PIBF1: variants seen among roughly 807,000 people sequenced by gnomAD.
PIBF1 encodes the protein progesterone immunomodulatory binding factor 1.
A neutral mutation model predicts 112.5 loss-of-function variants in PIBF1; 90 were observed. That is an observed-to-expected ratio of 0.80 (90% CI 0.67 to 0.95). The LOEUF (loss-of-function observed/expected upper bound fraction) is 0.95, where lower values mean the gene tolerates loss of function less well. Among genes scored for constraint, PIBF1 ranks in the 40% least tolerant of loss-of-function variants. The pLI is 0.00. For missense variants in PIBF1, 915 were observed against 852.3 expected (o/e 1.07, Z -0.92); for synonymous variants, 301 against 288.6 (o/e 1.04, Z -0.44).
chr13:72,868,801 T>C (rs140728245), intron 10 of PIBF1, among the ~76,000 whole-genome samples: 123 of 116,388 alleles, frequency 1.1e-3, no homozygotes, highest in African/African-American at 4.1e-3. Flanking sequence ...CTGGGCAACA[T>C]AGTGAGACCC....
intron 13 of PIBF1, among the ~76,000 whole-genome samples, chr13:72,926,504 C>T (rs994828146): frequency 2.0e-5 from 3 of 152,196 alleles, no homozygotes; most frequent in African/African-American, 7.2e-5. Flanking sequence ...TGACTGTAGT[C>T]TTCTTCCTTC....
At chr13:72,994,833 C>G (rs1461642410) in intron 16 of PIBF1, among the ~76,000 whole-genome samples, 1 of 152,076 alleles carries the variant, frequency 6.6e-6, no homozygotes, top group East Asian at 1.9e-4. Flanking sequence ...CTAATTATTG[C>G]CTGTTATGTT....
At chr13:72,840,000 A>T (rs906043014) in intron 9 of PIBF1, among the ~76,000 whole-genome samples, 14 of 152,100 alleles carry the variant, frequency 9.2e-5, no homozygotes, top group Non-Finnish European at 1.5e-4. Context: ...AATTGATTGG[A>T]TGTATACTGA....
At position 72,825,942 on chromosome 13, in the gene PIBF1, A is replaced by G. The variant is rs1049592154; in HGVS notation, c.807-1068A>G. ...TTAAATTAGGCACATGGTGGCATGC[A>G]CCTGTAGTCCTAACTCTCTGGCAGG... On this transcript the variant is annotated intron_variant, in intron 6 of 17. Transcript: ENST00000326291. Among the ~76,000 whole-genome samples the G allele has an allele frequency of 4.0e-5, 6 of 151,112 alleles. No individual in the cohort carries two copies. The South Asian group carries it at 1.3e-3, about 32-fold the overall frequency.
chr13:72,856,832 G>A (rs893255179), intron 10 of PIBF1, among the ~76,000 whole-genome samples: 3 of 152,100 alleles, frequency 2.0e-5, no homozygotes, highest in Admixed American at 6.5e-5. Flanking sequence ...TGCAGTTCAT[G>A]TCAAAATTTT....
intron 11 of PIBF1, among the ~76,000 whole-genome samples, chr13:72,898,695 A>AC (rs201889472): frequency 6.9e-6 from 1 of 145,824 alleles, no homozygotes; most frequent in Non-Finnish European, 1.6e-5. Context: ...AAAAAAAAAA[A>AC]AAATAAAGCC....
chr13:72,801,510 G>T (rs563729554), intron 5 of PIBF1, among the ~76,000 whole-genome samples: 7 of 152,040 alleles, frequency 4.6e-5, no homozygotes, highest in Non-Finnish European at 8.8e-5. Flanking sequence ...ACCTTACATG[G>T]TGCTATTTTC....
At chr13:72,821,425 C>T (rs1047126719) in intron 5 of PIBF1, among the ~76,000 whole-genome samples, 1 of 152,074 alleles carries the variant, frequency 6.6e-6, no homozygotes, top group South Asian at 2.1e-4. Flanking sequence ...AATTATTTTT[C>T]ATTGTAGATA....
At chr13:72,808,028 G>T (rs978898020) in intron 5 of PIBF1, among the ~76,000 whole-genome samples, 1 of 152,116 alleles carries the variant, frequency 6.6e-6, no homozygotes, top group Non-Finnish European at 1.5e-5. Context: ...TCATTACTGA[G>T]TGGTATTACA....
chr13:72,965,788 C>A (rs543594342), intron 15 of PIBF1, among the ~76,000 whole-genome samples: 12 of 151,920 alleles, frequency 7.9e-5, no homozygotes, highest in East Asian at 3.9e-4. Flanking sequence ...ACAACAACAA[C>A]AAAAAATTTA....
intron 11 of PIBF1, among the ~76,000 whole-genome samples, chr13:72,903,132 A>C (rs1231719515): frequency 6.6e-6 from 1 of 151,944 alleles, no homozygotes; most frequent in Non-Finnish European, 1.5e-5. Flanking sequence ...TCCTGACCTC[A>C]AGTGATTCCC....
chr13:72,983,097 G>T (rs544182719), intron 16 of PIBF1, among the ~76,000 whole-genome samples: 1 of 152,250 alleles, frequency 6.6e-6, no homozygotes, highest in Admixed American at 6.5e-5. Flanking sequence ...GGAGGCCAAG[G>T]TGGGAGGATT....
chr13:72,950,210 C>T (rs558102467), intron 14 of PIBF1, among the ~76,000 whole-genome samples: 1 of 152,152 alleles, frequency 6.6e-6, no homozygotes, highest in Non-Finnish European at 1.5e-5. Flanking sequence ...TAATTCTAGT[C>T]TGTACTCTAT....
intron 13 of PIBF1, among the ~76,000 whole-genome samples, chr13:72,918,625 C>T (rs541255792): frequency 6.6e-6 from 1 of 151,844 alleles, no homozygotes; most frequent in Non-Finnish European, 1.5e-5. Context: ...TGGCCTTGGC[C>T]TCAAGTGATC....
intron 13 of PIBF1, among the ~76,000 whole-genome samples, chr13:72,920,241 T>C (rs1187850481): frequency 2.6e-5 from 4 of 152,242 alleles, no homozygotes; most frequent in Non-Finnish European, 4.4e-5. Flanking sequence ...AACATGTGCC[T>C]AATGGGCATG....
In PIBF1 at chr13:73,016,260, G is replaced by A. The variant is rs1396025164; in HGVS notation, c.*341G>A. On this transcript the variant is annotated 3_prime_UTR_variant, in exon 18 of 18. Coordinates refer to ENST00000326291, the MANE Select transcript of PIBF1 (RefSeq NM_006346.4). ...TTTAAATGTCATACACAAATACTAA[G>A]ACACTTTGCATTTTTAAAAATTAAG... 6.5e-6 allele frequency: 1 copy of A among 153,268 alleles called. No individual in the cohort carries two copies. Among genetic ancestry groups the A allele is most frequent in the Non-Finnish European group, 1.5e-5 (1 of 68,922 alleles). The allele number at this position is 153,268 out of a possible 1,614,324, so 9.5% of individuals were successfully genotyped here. A position where few individuals can be genotyped will look rare whatever the true frequency, so the allele number is the denominator to read the frequency against.
intron 8 of PIBF1, among the ~76,000 whole-genome samples, chr13:72,831,365 A>G (rs2037102923): frequency 6.6e-6 from 1 of 152,090 alleles, no homozygotes; most frequent in South Asian, 2.1e-4. Context: ...TTAGGGTGTC[A>G]GTTTTAGATC....
At chr13:73,011,422 C>T (rs368701915) in intron 17 of PIBF1, among the ~76,000 whole-genome samples, 1 of 148,658 alleles carries the variant, frequency 6.7e-6, no homozygotes, top group Non-Finnish European at 1.5e-5. Context: ...CTTCCGTTTC[C>T]AGCAGTGGGA....
At chr13:72,788,452 A>C (rs9573035) in intron 2 of PIBF1, among the ~76,000 whole-genome samples, 42,027 of 152,110 alleles carry the variant, frequency 0.28, 6,892 homozygotes, top group East Asian at 0.47. Context: ...AGTAGACCTC[A>C]AGTGATTACT....
Sources: allele counts gnomAD v4.1 joint callset (sites outside exome capture counted in the v4.1 genomes callset), GRCh38; gene constraint gnomAD v4.1.1; transcripts MANE v1.5; gene names NCBI Gene and HGNC (gene_info 2026-07-23, HGNC 2026-07-21).